PUF60: variants seen among roughly 807,000 people sequenced by gnomAD.
PUF60 encodes poly(U)-binding-splicing factor PUF60.
A neutral mutation model predicts 61.8 loss-of-function variants in PUF60; 10 were observed. That is an observed-to-expected ratio of 0.16 (90% CI 0.10 to 0.27). PUF60 has a LOEUF of 0.27. PUF60 is among the 10% of genes least tolerant of loss of function. The pLI, the probability that PUF60 is intolerant of heterozygous loss-of-function variation, is 1.00. For missense variants in PUF60, 371 were observed against 754.0 expected, an observed-to-expected ratio of 0.49 and a Z score of 5.95; for synonymous variants, 353 against 300.9, an observed-to-expected ratio of 1.17 and a Z score of -1.79.
At chr8:143,829,123 C>A (rs1445898186) in intron 1 of PUF60, 157 bp downstream of exon 1, 5 of 1,177,288 alleles carry the variant, frequency 4.2e-6, no homozygotes, top group Non-Finnish European at 5.2e-6. Context: ...CGCGCGCCCG[C>A]CCCGCCCCCG....
In PUF60 at chr8:143,817,279, C is replaced by T. The variant is rs1430307560; in HGVS notation, c.1144+52G>A. ...GGCCAGGCAGCTGAGGGCAGCGAGC[C>T]GAGAGATGCCAGGACAGGAGAGGAG... On this transcript the variant is annotated intron_variant, in intron 10 of 11. Coordinates refer to ENST00000526683, the MANE Select transcript of PUF60 (RefSeq NM_078480.3). The surrounding 1 kb of genome is among the most constrained non-coding windows in gnomAD (Gnocchi z 7.4). 35 of 1,556,142 alleles carry T rather than the reference C, an allele frequency of 2.2e-5. No individual in the cohort carries two copies. The East Asian group carries it at 2.3e-4, about 10-fold the overall frequency.
chr8:143,821,321 G>C, intron 4 of PUF60: 1 of 578,026 alleles, frequency 1.7e-6, no homozygotes, highest in East Asian at 2.9e-5. Flanking sequence ...AGAGGCCACA[G>C]TGTGAAGACC....
chr8:143,820,454 G>T, intron 5 of PUF60: 1 of 612,212 alleles, frequency 1.6e-6, no homozygotes. Context: ...TTTAAGGTGG[G>T]CCCTCAGAGC....
chr8:143,829,237 C>T (rs565947352), intron 1 of PUF60, 43 bp downstream of exon 1: 36 of 1,242,070 alleles, frequency 2.9e-5, no homozygotes, highest in East Asian at 2.5e-4. Context: ...GACCCGGCCC[C>T]GCAAGCCGAG....
At chr8:143,827,232 G>A (rs941352726) in intron 1 of PUF60, 2 of 371,852 alleles carry the variant, frequency 5.4e-6, no homozygotes, top group East Asian at 1.6e-4. Context: ...GGCAGCCGGG[G>A]GCCTCTCTAT....
chr8:143,826,718 C>T (rs903801286), intron 1 of PUF60, among the ~76,000 whole-genome samples: 8 of 152,072 alleles, frequency 5.3e-5, no homozygotes, highest in African/African-American at 1.7e-4. Context: ...AACTCCGTCT[C>T]ACACACAAAA....
intron 1 of PUF60, chr8:143,828,946 G>A: frequency 1.0e-6 from 1 of 987,834 alleles, no homozygotes; most frequent in Non-Finnish European, 1.2e-6. Context: ...GCACACCCCC[G>A]TCGGCAAAGG....
In PUF60 at chr8:143,818,610, G is replaced by GGCCC. The variant is rs1816649739; in HGVS notation, c.349-80_349-77dup. On this transcript the variant is annotated intron_variant, in intron 5 of 11. Transcript: ENST00000526683. The surrounding 1 kb of genome is among the most constrained non-coding windows in gnomAD (Gnocchi z 7.9). ...AAGCTGGGCAGCCCACTCCCCTCCT[G>GGCCC]GCCCACCCACCCAGCCCTGCTGTGG... The GGCCC allele has an allele frequency of 6.9e-7, 1 of 1,448,942 alleles. No homozygotes were observed. The highest frequency in any genetic ancestry group is 1.3e-5 in the South Asian group (1 of 74,148). 89.8% of individuals were successfully genotyped at this position (1,448,942 alleles called of 1,614,324 possible).
At chr8:143,824,537 C>T (rs1426557382) in intron 1 of PUF60, 138 bp from the exon 2 acceptor site, 1 of 839,930 alleles carries the variant, frequency 1.2e-6, no homozygotes, top group African/African-American at 1.7e-5. Flanking sequence ...GACATGACCC[C>T]CCAGCCCAAA....
At position 143,829,099 on chromosome 8, in the gene PUF60, G is replaced by T. The variant is rs1248251056; in HGVS notation, c.24+181C>A. On this transcript the variant is annotated intron_variant, in intron 1 of 11. Coordinates refer to ENST00000526683, the MANE Select transcript of PUF60 (RefSeq NM_078480.3). ...TCCGCAGGCCGGAAGCTGAGGCCGCGAGCCGGCCGCCGGCGCGCGCCCGCC... is the reference window on the plus strand; with the variant it reads ...TCCGCAGGCCGGAAGCTGAGGCCGCTAGCCGGCCGCCGGCGCGCGCCCGCC... 8.0e-6 allele frequency: 9 copies of T among 1,125,186 alleles called. No homozygotes were observed. In the African/African-American group the frequency reaches 9.9e-5, roughly 12 times the overall value. 69.7% of individuals were successfully genotyped at this position (1,125,186 alleles called of 1,614,324 possible).
At chr8:143,820,191 C>G (rs1336174554) in intron 5 of PUF60, 1 of 166,966 alleles carries the variant, frequency 6.0e-6, no homozygotes, top group Non-Finnish European at 1.3e-5. Context: ...TTGCCCTTCC[C>G]TTGCTCGCTT....
chr8:143,816,349 G>C lies in PUF60; in HGVS notation c.*171C>G. 1.4e-6 allele frequency: 1 copy of C among 726,386 alleles called. No individual in the cohort carries two copies. The allele number at this position is 726,386 out of a possible 1,614,324, so 45.0% of individuals were successfully genotyped here. ...CTAAGGACACACGCCCAGGATCGGT[G>C]ACAGGACCGACGGCAGACACACGGA... On this transcript the variant is annotated 3_prime_UTR_variant, in exon 12 of 12. Transcript: ENST00000526683.
chr8:143,825,230 G>C (rs1275175250), intron 1 of PUF60: 1 of 152,338 alleles, frequency 6.6e-6, no homozygotes, highest in Non-Finnish European at 1.5e-5. Flanking sequence ...CAATATCTAA[G>C]AACAGAAGAG....
At chr8:143,829,045 CCCCCG>C in intron 1 of PUF60, 2 of 1,010,694 alleles carry the variant, frequency 2.0e-6, no homozygotes, top group Non-Finnish European at 2.4e-6. Flanking sequence ...CGCGCCCAGG[CCCCCG>C]CCCCGCCCCG....
At chr8:143,828,287 T>C (rs890117505) in intron 1 of PUF60, among the ~76,000 whole-genome samples, 3 of 152,184 alleles carry the variant, frequency 2.0e-5, no homozygotes, top group African/African-American at 7.2e-5. Flanking sequence ...CCTTCAGCCA[T>C]TTGCCCAAGC....
At chr8:143,822,109 G>A (rs1229779363) in intron 2 of PUF60, among the ~76,000 whole-genome samples, 196 bp from the exon 3 acceptor site, 1 of 152,114 alleles carries the variant, frequency 6.6e-6, no homozygotes, top group Admixed American at 6.5e-5. Flanking sequence ...AGGCAGGCAG[G>A]TGCCCTGGAG....
chr8:143,820,664 A>C lies in PUF60; in HGVS notation c.348+2T>G. The C allele has an allele frequency of 6.2e-7, 1 of 1,612,030 alleles. No individual in the cohort carries two copies. Among genetic ancestry groups the C allele is most frequent in the Non-Finnish European group, 8.5e-7 (1 of 1,178,516 alleles). On this transcript the variant is annotated splice_donor_variant, in intron 5 of 11. Coordinates refer to ENST00000526683, the MANE Select transcript of PUF60 (RefSeq NM_078480.3). LOFTEE classifies it high-confidence loss of function. ...CCGGAAGAAGTGAGCATTTCTATTG[A>C]CCGATTGCAAAGGTGAGAGAGGATC...
intron 1 of PUF60, among the ~76,000 whole-genome samples, chr8:143,826,877 C>G (rs1256587780): frequency 3.3e-5 from 5 of 152,244 alleles, no homozygotes; most frequent in African/African-American, 1.2e-4. Flanking sequence ...CCACAACCTG[C>G]AGTCCCTGCA....
intron 2 of PUF60, 128 bp from the exon 3 acceptor site, chr8:143,822,041 GCTGT>G (rs1817080698): frequency 3.0e-6 from 2 of 673,450 alleles, no homozygotes; most frequent in Non-Finnish European, 5.0e-6. Flanking sequence ...TTCTGACATT[GCTGT>G]CCCCAGCCCA....
Sources: gnomAD v4.1 joint callset for allele counts (sites outside exome capture counted in the v4.1 genomes callset) on GRCh38, gnomAD v4.1.1 for gene constraint, Gnocchi (gnomAD v3.1) non-coding constraint, MANE v1.5 for transcripts, NCBI Gene and HGNC (gene_info 2026-07-23, HGNC 2026-07-21) for gene names.